Variants in RNF185 observed in about 807,000 individuals in gnomAD.
RNF185 encodes the protein ring finger protein 185.
In RNF185, 13 loss-of-function variants were observed where a neutral mutation model predicts 24.9. The ratio of observed to expected loss-of-function variants is 0.52; its 90% confidence interval spans 0.34 to 0.83. The LOEUF is 0.83. Ranked by LOEUF, RNF185 falls within the 40% of genes least tolerant of loss-of-function variation. The probability of loss-of-function intolerance (pLI) is 0.01; values close to 1 mark genes in which losing one functional copy is unlikely to be tolerated. For missense variants in RNF185, 184 were observed against 244.7 expected, an observed-to-expected ratio of 0.75 and a Z score of 1.65; for synonymous variants, 79 against 90.3, an observed-to-expected ratio of 0.88 and a Z score of 0.71.
chr22:31,172,887 C>T (rs2047944264), intron 1 of RNF185, among the ~76,000 whole-genome samples: 1 of 152,122 alleles, frequency 6.6e-6, no homozygotes, highest in South Asian at 2.1e-4. Flanking sequence ...TAGGCTAAGT[C>T]CTCTGGCTCC....
At chr22:31,193,486 A>G (rs2048174682) in intron 3 of RNF185, among the ~76,000 whole-genome samples, 1 of 152,170 alleles carries the variant, frequency 6.6e-6, no homozygotes, top group Non-Finnish European at 1.5e-5. Context: ...ATTCATGTTT[A>G]TAGAATGTCT....
intron 1 of RNF185, among the ~76,000 whole-genome samples, chr22:31,172,046 T>G (rs188076847): frequency 6.6e-6 from 1 of 152,366 alleles, no homozygotes; most frequent in East Asian, 1.9e-4. Flanking sequence ...GTTTTCTACT[T>G]AATTGGTTAG....
chr22:31,190,705 G>A (rs974092106), intron 2 of RNF185, among the ~76,000 whole-genome samples: 1 of 151,938 alleles, frequency 6.6e-6, no homozygotes, highest in Non-Finnish European at 1.5e-5. Flanking sequence ...CCAGGTTCAA[G>A]TGATTCTCGT....
At chr22:31,195,737 AAG>A (rs2048199862) in intron 4 of RNF185, among the ~76,000 whole-genome samples, 156 bp downstream of exon 4, 1 of 152,072 alleles carries the variant, frequency 6.6e-6, no homozygotes, top group Non-Finnish European at 1.5e-5. Context: ...GAGGGGAGGG[AAG>A]AGAGGGGATC....
intron 1 of RNF185, among the ~76,000 whole-genome samples, chr22:31,169,970 C>T (rs1449142818): frequency 1.3e-5 from 2 of 152,182 alleles, no homozygotes; most frequent in Non-Finnish European, 2.9e-5. Flanking sequence ...GGCCTAAGGA[C>T]ATGCAAAGAT....
intron 3 of RNF185, among the ~76,000 whole-genome samples, chr22:31,194,739 A>T (rs1441024528): frequency 2.0e-5 from 3 of 152,056 alleles, no homozygotes; most frequent in African/African-American, 7.2e-5. Context: ...GGAAAAAAAA[A>T]TGAGAAATCA....
In RNF185 at chr22:31,196,155, T is replaced by A. The variant is rs569239953; in HGVS notation, c.308+574T>A. On this transcript the variant is annotated intron_variant, in intron 4 of 6. Coordinates refer to ENST00000326132, the MANE Select transcript of RNF185 (RefSeq NM_152267.4). ...TTTATCAGCCTGTGTATTTGCTCTCTCTTCTGCCTTCTTCCCTCCCCAGTC... is the reference window on the plus strand; with the variant it reads ...TTTATCAGCCTGTGTATTTGCTCTCACTTCTGCCTTCTTCCCTCCCCAGTC... Among the ~76,000 whole-genome samples the A allele has an allele frequency of 3.3e-5, 5 of 152,308 alleles. No homozygotes were observed. The South Asian group carries it at 1.0e-3, about 32-fold the overall frequency.
In RNF185 at chr22:31,180,913, CTCTGTGTGTGTGTG is replaced by C. The variant is rs1224920031; in HGVS notation, c.-48-6132_-48-6119del. 1.1e-3 allele frequency among the ~76,000 whole-genome samples: 67 copies of C among 60,882 alleles called. 1 individual carries two copies. Among genetic ancestry groups the C allele is most frequent in the African/African-American group, 5.7e-3 (62 of 10,848 alleles). The allele number at this position is 60,882 out of a possible 152,430, so 39.9% of individuals were successfully genotyped here. A position where few individuals can be genotyped will look rare whatever the true frequency, so the allele number is the denominator to read the frequency against. Reference sequence around the variant, plus strand: ...TATTTTCTAGGCATTTTCTCTCTCTCTCTGTGTGTGTGTGTGTGTGTGTGTGTGTGTGTGTGTGT... The same window carrying C: ...TATTTTCTAGGCATTTTCTCTCTCTCTGTGTGTGTGTGTGTGTGTGTGTGT... On this transcript the variant is annotated intron_variant, in intron 1 of 6. Transcript: ENST00000326132.
rs117826605 is a variant in RNF185, at chr22:31,194,240, A to G, written c.196-1229A>G. Among the ~76,000 whole-genome samples the G allele has an allele frequency of 6.2e-3, 951 of 152,194 alleles. 2 individuals are homozygous for G. Among genetic ancestry groups the G allele is most frequent in the Non-Finnish European group, 0.011 (729 of 67,992 alleles). On this transcript the variant is annotated intron_variant, in intron 3 of 6. Transcript: ENST00000326132. Reference sequence around the variant, plus strand: ...TGTAACCAGTGAAAGGGCCTGAGAAACCCAAAACGGGATTTTTTTTATATT... The same window carrying G: ...TGTAACCAGTGAAAGGGCCTGAGAAGCCCAAAACGGGATTTTTTTTATATT...
intron 4 of RNF185, among the ~76,000 whole-genome samples, chr22:31,196,211 C>T (rs1487341933): frequency 6.6e-6 from 1 of 152,192 alleles, no homozygotes; most frequent in Non-Finnish European, 1.5e-5. Context: ...CCCCCACCTG[C>T]TCCTCTAACT....
At position 31,167,610 on chromosome 22, in the gene RNF185, C is replaced by CTTTTT. The variant is rs150121453; in HGVS notation, c.-49+7324_-49+7328dup. Among the ~76,000 whole-genome samples, 8 of 107,372 alleles carry CTTTTT rather than the reference C, an allele frequency of 7.5e-5. 1 individual carries two copies. The highest frequency in any genetic ancestry group is 3.4e-4 in the Admixed American group (3 of 8,760). 70.4% of individuals were successfully genotyped at this position (107,372 alleles called of 152,430 possible). Reference sequence around the variant, plus strand: ...TATGGAAACGTAGGGGGGTTTTTTCCTTTTTTTTTTTTTTTTTTTTTGAGA... The same window carrying CTTTTT: ...TATGGAAACGTAGGGGGGTTTTTTCCTTTTTTTTTTTTTTTTTTTTTTTTTTGAGA... On this transcript the variant is annotated intron_variant, in intron 1 of 6. Coordinates refer to ENST00000326132, the MANE Select transcript of RNF185 (RefSeq NM_152267.4).
chr22:31,172,987 T>C (rs2047945011), intron 1 of RNF185, among the ~76,000 whole-genome samples: 1 of 152,160 alleles, frequency 6.6e-6, no homozygotes, highest in African/African-American at 2.4e-5. Flanking sequence ...AAAACACTAT[T>C]TTCCTCAGCT....
chr22:31,177,399 C>T (rs967184144), intron 1 of RNF185, among the ~76,000 whole-genome samples: 23 of 152,006 alleles, frequency 1.5e-4, no homozygotes, highest in African/African-American at 5.6e-4. Context: ...TCCTTTCAGC[C>T]TTCTCTGTTC....
chr22:31,198,912 T>C (rs2048235260), intron 5 of RNF185, among the ~76,000 whole-genome samples: 1 of 150,320 alleles, frequency 6.7e-6, no homozygotes, highest in Non-Finnish European at 1.5e-5. Context: ...CTGACCAATA[T>C]GGTGAAACCC....
chr22:31,195,535 G>C lies in RNF185; in HGVS notation c.262G>C (p.Val88Leu). The C allele has an allele frequency of 6.2e-7, 1 of 1,611,474 alleles. No homozygotes were observed. The highest frequency in any genetic ancestry group is 1.1e-5 in the South Asian group (1 of 90,346). The change falls in exon 4 of 7, where the codon GTC becomes CTC. Residue 88 changes from valine (V) to leucine (L), a missense_variant. By Grantham distance (32) the Val-to-Leu change is conservative. Coordinates refer to ENST00000326132, the MANE Select transcript of RNF185 (RefSeq NM_152267.4). Reference protein sequence around the residue: ...VCKAGISRDKVIPLYGRGSTG... With the variant: ...VCKAGISRDKLIPLYGRGSTG... ...CAAAGCTGGCATCAGCCGAGACAAG[G>C]TCATCCCCCTCTATGGAAGGGGCAG... is the stretch of plus-strand genomic sequence containing the variant.
intron 1 of RNF185, chr22:31,182,949 G>T (rs1016482523): frequency 8.5e-6 from 1 of 117,894 alleles, no homozygotes; most frequent in African/African-American, 3.5e-5. Flanking sequence ...TTGAGATGGA[G>T]TCTCTCTCTT....
chr22:31,176,338 T>C (rs1454219993), intron 1 of RNF185, among the ~76,000 whole-genome samples: 1 of 150,984 alleles, frequency 6.6e-6, no homozygotes, highest in Non-Finnish European at 1.5e-5. Flanking sequence ...GCAATTCTCC[T>C]GTGTCAGACT....
intron 1 of RNF185, among the ~76,000 whole-genome samples, chr22:31,179,406 G>A (rs1051626006): frequency 6.6e-6 from 1 of 152,182 alleles, no homozygotes; most frequent in Non-Finnish European, 1.5e-5. Flanking sequence ...ATAGGTGTAG[G>A]AGAAGGTGAG....
rs1601373458 is a variant in RNF185 at position 31,195,560 on chromosome 22, G to A, written c.287G>A (p.Ser96Asn). Residue 96 changes from serine (S) to asparagine (N), a missense_variant, in exon 4 of 7, where the codon AGC becomes AAC. Physicochemically the swap from Ser to Asn is conservative, Grantham distance 46. Coordinates refer to ENST00000326132, the MANE Select transcript of RNF185 (RefSeq NM_152267.4). ...DKVIPLYGRG[S>N]TGQQDPREKT... ...GTCATCCCCCTCTATGGAAGGGGCA[G>A]CACTGGGCAACAGGACCCCAGGTGA... is the stretch of plus-strand genomic sequence containing the variant. 4.4e-6 allele frequency: 7 copies of A among 1,608,672 alleles called. No individual in the cohort carries two copies. In the East Asian group the frequency reaches 1.6e-4, roughly 36 times the overall value.
Sources: gnomAD v4.1 joint callset for allele counts (sites outside exome capture counted in the v4.1 genomes callset) on GRCh38, gnomAD v4.1.1 for gene constraint, MANE v1.5 for transcripts, NCBI Gene and HGNC (gene_info 2026-07-23, HGNC 2026-07-21) for gene names.